MIA2: variants seen among roughly 807,000 people sequenced by gnomAD.
MIA2 encodes MIA SH3 domain ER export factor 2.
In MIA2, 127 loss-of-function variants were observed where a neutral mutation model predicts 167.8. The observed-to-expected ratio is 0.76, with a 90% CI of 0.66 to 0.88. MIA2 has a LOEUF of 0.88. MIA2 is among the 40% of genes least tolerant of loss of function. MIA2 has a pLI of 0.00. For synonymous variants in MIA2, 552 were observed against 541.9 expected (o/e 1.02, Z -0.26); for missense variants, 1,690 against 1,624.7 (o/e 1.04, Z -0.69).
In MIA2 at chr14:39,240,655, A is replaced by G; in HGVS notation, c.336+8A>G. 2 of 1,593,606 alleles carry G rather than the reference A, an allele frequency of 1.3e-6. No homozygotes were observed. Among genetic ancestry groups the G allele is most frequent in the Non-Finnish European group, 1.7e-6 (2 of 1,162,312 alleles). ...ATTCAGATGTCAACGAAAGTGAGTA[A>G]ACTCATTCTCAGTTGTTAATTGAAT... On this transcript the variant is annotated splice_region_variant and intron_variant, in intron 3 of 28. Transcript: ENST00000640607.
intron 9 of MIA2, among the ~76,000 whole-genome samples, chr14:39,285,086 C>T (rs7140591): frequency 2.0e-5 from 3 of 152,186 alleles, no homozygotes; most frequent in Non-Finnish European, 4.4e-5. Context: ...CATAGATCAA[C>T]AGCATCCCAA....
intron 6 of MIA2, among the ~76,000 whole-genome samples, chr14:39,264,346 T>C (rs1468507945): frequency 2.0e-5 from 3 of 152,212 alleles, no homozygotes; most frequent in Admixed American, 6.5e-5. Context: ...CAATGCACCG[T>C]TGATGGGCAC....
At chr14:39,254,945 A>T (rs754142959) in intron 6 of MIA2, among the ~76,000 whole-genome samples, 3 of 152,142 alleles carry the variant, frequency 2.0e-5, no homozygotes, top group Non-Finnish European at 4.4e-5. Flanking sequence ...TTATAAGGAA[A>T]AGTGAGGATA....
chr14:39,290,586 T>C lies in MIA2; in HGVS notation c.2131-433T>C, dbSNP rs375300910. ...AAAGTTTTGATGGTCAGTTGCTATA[T>C]ATTTCTCTTTAATGAATAGGCTTAA... On this transcript the variant is annotated intron_variant, in intron 9 of 28. Transcript: ENST00000640607. Among the ~76,000 whole-genome samples the C allele has an allele frequency of 1.4e-4, 21 of 152,378 alleles. No homozygotes were observed. The South Asian group carries it at 4.1e-3, about 30-fold the overall frequency.
intron 23 of MIA2, among the ~76,000 whole-genome samples, chr14:39,383,594 C>G (rs1159681642): frequency 6.6e-6 from 1 of 152,198 alleles, no homozygotes; most frequent in Non-Finnish European, 1.5e-5. Context: ...ATGATTGTTT[C>G]ATGAGGAAGG....
At chr14:39,246,310 T>G (rs1166757601) in intron 3 of MIA2, among the ~76,000 whole-genome samples, 31 of 151,842 alleles carry the variant, frequency 2.0e-4, no homozygotes, top group Admixed American at 2.0e-3. Flanking sequence ...TTGGCCAGGC[T>G]GGTCTCGAAC....
chr14:39,299,784 G>A, intron 13 of MIA2, 80 bp from the exon 14 acceptor site: 1 of 1,440,094 alleles, frequency 6.9e-7, no homozygotes, highest in Non-Finnish European at 9.2e-7. Context: ...TCTTTTTTAA[G>A]TAGCTACATA....
chr14:39,337,119 AC>A (rs1373553680), intron 25 of MIA2, among the ~76,000 whole-genome samples: 2 of 152,212 alleles, frequency 1.3e-5, no homozygotes, highest in Admixed American at 6.5e-5. Context: ...TAGTGACATA[AC>A]CATATAACTC....
At chr14:39,259,117 G>A (rs1206452092) in intron 6 of MIA2, among the ~76,000 whole-genome samples, 2 of 152,242 alleles carry the variant, frequency 1.3e-5, no homozygotes, top group South Asian at 2.1e-4. Flanking sequence ...TGTGCTGATA[G>A]AATCCCTCTT....
In MIA2 at chr14:39,298,413, T is replaced by TTTTATATATA. The variant is rs1397878336; in HGVS notation, c.2497-1450_2497-1449insTTATATATAT. On this transcript the variant is annotated intron_variant, in intron 13 of 28. Transcript: ENST00000640607. Reference sequence around the variant, plus strand: ...TTTACCTGTATCATCTGATTCTGTTTTATATATATATATATATATATATAT... The same window carrying TTTTATATATA: ...TTTACCTGTATCATCTGATTCTGTTTTTTATATATATATATATATATATATATATATATAT... Among the ~76,000 whole-genome samples, 52 of 26,140 alleles carry TTTTATATATA rather than the reference T, an allele frequency of 2.0e-3. 1 individual carries two copies. Among genetic ancestry groups the TTTTATATATA allele is most frequent in the African/African-American group, 6.7e-3 (48 of 7,196 alleles). 17.1% of individuals were successfully genotyped at this position (26,140 alleles called of 152,430 possible).
downstream of MIA2, chr14:39,350,846 C>G (rs896414554): frequency 6.6e-6 from 1 of 152,082 alleles, no homozygotes; most frequent in Admixed American, 6.6e-5. Flanking sequence ...AATTAATACA[C>G]TTTTAAAAGT....
chr14:39,304,432 C>T (rs758558669), intron 17 of MIA2, 51 bp downstream of exon 17: 1 of 1,007,028 alleles, frequency 9.9e-7, no homozygotes, highest in East Asian at 2.7e-5. Flanking sequence ...AAGTACATCT[C>T]TTGGCAGAGA....
intron 14 of MIA2, among the ~76,000 whole-genome samples, 195 bp from the exon 15 acceptor site, chr14:39,301,934 C>T (rs1478272568): frequency 6.6e-6 from 1 of 152,148 alleles, no homozygotes; most frequent in Non-Finnish European, 1.5e-5. Context: ...TTGGCTTTTA[C>T]TTGCAGAGTT....
chr14:39,311,478 T>G (rs1215163769), intron 18 of MIA2, among the ~76,000 whole-genome samples: 2 of 141,274 alleles, frequency 1.4e-5, no homozygotes, highest in Non-Finnish European at 3.1e-5. Context: ...TTTTTTTTTT[T>G]TTTTTTTTTT....
chr14:39,274,264 T>C (rs1467730159), intron 6 of MIA2, among the ~76,000 whole-genome samples: 2 of 152,180 alleles, frequency 1.3e-5, no homozygotes, highest in Admixed American at 6.5e-5. Context: ...TATTTGTTGA[T>C]ATTTGAGAAA....
downstream of MIA2, among the ~76,000 whole-genome samples, chr14:39,351,746 C>CAT (rs1324539624): frequency 2.0e-5 from 3 of 152,168 alleles, no homozygotes; most frequent in African/African-American, 7.2e-5. Context: ...GCTGGGACTA[C>CAT]AGGCGTCCAC....
At chr14:39,358,519 AGAAGTTTGATTGTCT>A (rs1366587578) in intron 23 of MIA2, among the ~76,000 whole-genome samples, 4 of 152,040 alleles carry the variant, frequency 2.6e-5, no homozygotes, top group African/African-American at 9.6e-5. Context: ...TTTAGCTTGG[AGAAGTTTGATTGTCT>A]GAAGCCTTCT....
rs1479646085 is a variant in MIA2, at chr14:39,370,995, ATTG to A, written c.2249-15885_2249-15883del. Among the ~76,000 whole-genome samples the A allele has an allele frequency of 5.3e-5, 8 of 152,302 alleles. No individual in the cohort carries two copies. The East Asian group carries it at 1.5e-3, about 29-fold the overall frequency. ...AAACTTTTATTCAAGTATCTTTTGAATTGTTGTAATTATGTGTGTCTGGAATTT... is the reference window on the plus strand; with the variant it reads ...AAACTTTTATTCAAGTATCTTTTGAATTGTAATTATGTGTGTCTGGAATTT... On this transcript the variant is annotated intron_variant, in intron 23 of 23. Coordinates refer to the MIA2 transcript ENST00000341502.
At chr14:39,347,303 C>T (rs916944773) in intron 26 of MIA2, among the ~76,000 whole-genome samples, 1 of 151,974 alleles carries the variant, frequency 6.6e-6, no homozygotes, top group African/African-American at 2.4e-5. Flanking sequence ...TATTTCGGAA[C>T]AGTAGCTAAA....
Sources: gnomAD v4.1 joint callset for allele counts (sites outside exome capture counted in the v4.1 genomes callset) on GRCh38, gnomAD v4.1.1 for gene constraint, MANE v1.5 for transcripts, NCBI Gene and HGNC (gene_info 2026-07-23, HGNC 2026-07-21) for gene names.